NIM1K: variants seen among roughly 807,000 people sequenced by gnomAD.
NIM1K encodes serine/threonine-protein kinase NIM1.
A neutral mutation model predicts 37.1 loss-of-function variants in NIM1K; 35 were observed. The observed-to-expected ratio is 0.94, with a 90% CI of 0.72 to 1.25. The LOEUF is 1.25. NIM1K is among the 50% of genes most tolerant of loss of function. The pLI, the probability that NIM1K is intolerant of heterozygous loss-of-function variation, is 0.00. For missense variants in NIM1K, 564 were observed against 548.0 expected, an observed-to-expected ratio of 1.03 and a Z score of -0.29; for synonymous variants, 234 against 206.6, an observed-to-expected ratio of 1.13 and a Z score of -1.14.
chr5:43,264,108 G>A lies in NIM1K; in HGVS notation c.293-12949G>A, dbSNP rs145633660. ...AGAATGTATATTCTGTTGATTTGGG[G>A]TCGAGAGTTCTGTAGACGTCTGTTA... On this transcript the variant is annotated intron_variant, in intron 2 of 3. Coordinates refer to ENST00000326035, the MANE Select transcript of NIM1K (RefSeq NM_153361.4). Among the ~76,000 whole-genome samples, 861 of 152,292 alleles carry A rather than the reference G, an allele frequency of 5.7e-3. 10 individuals are homozygous for A. Among genetic ancestry groups the A allele is most frequent in the African/African-American group, 0.019 (800 of 41,566 alleles).
chr5:43,247,583 T>C (rs538888000), intron 2 of NIM1K, among the ~76,000 whole-genome samples: 3 of 152,332 alleles, frequency 2.0e-5, no homozygotes, highest in East Asian at 1.9e-4. Context: ...AATTAGTGCC[T>C]AGAACCCACC....
At chr5:43,194,307 T>C (rs925542612) in intron 1 of NIM1K, among the ~76,000 whole-genome samples, 1 of 152,200 alleles carries the variant, frequency 6.6e-6, no homozygotes, top group Non-Finnish European at 1.5e-5. Flanking sequence ...CAACTCCCCA[T>C]GGACTGGTGT....
chr5:43,207,541 T>C, intron 1 of NIM1K: 1 of 699,510 alleles, frequency 1.4e-6, no homozygotes, highest in Non-Finnish European at 2.7e-6. Context: ...TCTCCATGTC[T>C]CCAGAAGAAG....
At chr5:43,203,632 G>T (rs1404691437) in intron 1 of NIM1K, among the ~76,000 whole-genome samples, 1 of 152,110 alleles carries the variant, frequency 6.6e-6, no homozygotes, top group Non-Finnish European at 1.5e-5. Context: ...ATTTGGCTAA[G>T]GTTTTTCTTT....
In NIM1K at chr5:43,245,671, C is replaced by A; in HGVS notation, c.-105C>A. ...GCTCTCAGGAAAACTCTTTTGAACC[C>A]TGGGCACCTGCTGTCCTCAGTTGGC... On this transcript the variant is annotated 5_prime_UTR_variant, in exon 2 of 4. It adds an upstream start codon to the 5' untranslated region. Transcript: ENST00000326035. The A allele has an allele frequency of 8.9e-7, 1 of 1,126,822 alleles. No individual in the cohort carries two copies. The highest frequency in any genetic ancestry group is 1.3e-6 in the Non-Finnish European group (1 of 796,006). The allele number at this position is 1,126,822 out of a possible 1,614,324, so 69.8% of individuals were successfully genotyped here.
chr5:43,198,876 G>A (rs1035922906), intron 1 of NIM1K, among the ~76,000 whole-genome samples: 1 of 152,032 alleles, frequency 6.6e-6, no homozygotes, highest in African/African-American at 2.4e-5. Context: ...TTTTAGGGCT[G>A]TTGTAAAGAT....
At chr5:43,276,555 A>C (rs937521977) in intron 2 of NIM1K, among the ~76,000 whole-genome samples, 1 of 152,258 alleles carries the variant, frequency 6.6e-6, no homozygotes, top group Non-Finnish European at 1.5e-5. Flanking sequence ...CAAATGTCCA[A>C]ACTATATTGA....
At chr5:43,212,465 T>A (rs1397896284) in intron 1 of NIM1K, among the ~76,000 whole-genome samples, 5 of 152,124 alleles carry the variant, frequency 3.3e-5, no homozygotes, top group African/African-American at 1.2e-4. Context: ...TTTAAAATGC[T>A]CAGGACCAGA....
chr5:43,213,208 TCTTTCTTTCTTTCTTTCCTTC>T (rs1752237408), intron 1 of NIM1K, among the ~76,000 whole-genome samples: 2 of 61,246 alleles, frequency 3.3e-5, no homozygotes, highest in African/African-American at 4.8e-5. Context: ...TTTCTTTCTT[TCTTTCTTTCTTTCTTTCCTTC>T]TTTTCTTCCT....
At chr5:43,196,875 C>T in intron 1 of NIM1K, among the ~76,000 whole-genome samples, 1 of 150,098 alleles carries the variant, frequency 6.7e-6, no homozygotes, top group East Asian at 2.0e-4. Flanking sequence ...TGAGTTCAAG[C>T]AATCCTTCCC....
At chr5:43,249,022 C>A (rs957461954) in intron 2 of NIM1K, among the ~76,000 whole-genome samples, 19 of 151,374 alleles carry the variant, frequency 1.3e-4, no homozygotes, top group African/African-American at 4.4e-4. Context: ...CAGACATGTG[C>A]CACCTTGCCC....
chr5:43,242,148 T>C (rs1027790465), intron 1 of NIM1K, among the ~76,000 whole-genome samples: 1 of 152,006 alleles, frequency 6.6e-6, no homozygotes, highest in African/African-American at 2.4e-5. Flanking sequence ...TTGTAGGTGT[T>C]AGGGTACGTA....
Position 43,206,615 on chromosome 5 carries a change from C to G in NIM1K, c.-695+14204C>G, listed in dbSNP as rs568837654. On this transcript the variant is annotated intron_variant, in intron 1 of 3. Transcript: ENST00000326035. ...ACGAGCAAGTGCTAGTCCTGGCCTC[C>G]CTGGTGCAGCGCACTCCCTGCCTGC... 1.4e-5 allele frequency: 9 copies of G among 644,174 alleles called. No homozygotes were observed. In the East Asian group the frequency reaches 2.6e-4, roughly 18 times the overall value. The allele number at this position is 644,174 out of a possible 1,614,324, so 39.9% of individuals were successfully genotyped here.
intron 2 of NIM1K, among the ~76,000 whole-genome samples, chr5:43,272,430 C>T (rs1380379876): frequency 1.3e-5 from 2 of 152,184 alleles, no homozygotes; most frequent in Non-Finnish European, 2.9e-5. Flanking sequence ...ATCTACTCTC[C>T]ACCCTTCTTC....
intron 1 of NIM1K, among the ~76,000 whole-genome samples, chr5:43,213,611 A>T (rs553183478): frequency 6.6e-6 from 1 of 152,088 alleles, no homozygotes; most frequent in Admixed American, 6.6e-5. Context: ...CTCCTGCCTC[A>T]GCCTCCAGAG....
At chr5:43,246,094 C>T in intron 2 of NIM1K, 27 bp downstream of exon 2, 3 of 1,581,594 alleles carry the variant, frequency 1.9e-6, no homozygotes, top group African/African-American at 1.3e-5. Context: ...CAAGGGTCAT[C>T]CCTGGCAGTA....
intron 2 of NIM1K, among the ~76,000 whole-genome samples, chr5:43,266,953 AC>A (rs1753171769): frequency 6.6e-6 from 1 of 152,194 alleles, no homozygotes; most frequent in South Asian, 2.1e-4. Flanking sequence ...ACAGGGTGAT[AC>A]TGGCTTCATA....
intron 2 of NIM1K, among the ~76,000 whole-genome samples, chr5:43,255,592 T>A (rs941988012): frequency 6.6e-6 from 1 of 151,624 alleles, no homozygotes; most frequent in African/African-American, 2.4e-5. Flanking sequence ...CTACTAAAAA[T>A]ACAAAAATTA....
intron 1 of NIM1K, among the ~76,000 whole-genome samples, chr5:43,227,185 A>G (rs1331629303): frequency 1.3e-5 from 2 of 151,974 alleles, no homozygotes; most frequent in Non-Finnish European, 2.9e-5. Context: ...ACATGGAGAA[A>G]CCCTGTCTCT....
Sources: gnomAD v4.1 joint callset for allele counts (sites outside exome capture counted in the v4.1 genomes callset) on GRCh38, gnomAD v4.1.1 for gene constraint, MANE v1.5 for transcripts, NCBI Gene and HGNC (gene_info 2026-07-23, HGNC 2026-07-21) for gene names.